ADAMTS16: variants seen among roughly 807,000 people sequenced by gnomAD.
The protein encoded by ADAMTS16 is ADAM metallopeptidase with thrombospondin type 1 motif 16.
A neutral mutation model predicts 145.8 loss-of-function variants in ADAMTS16; 94 were observed. That is an observed-to-expected ratio of 0.64 (90% confidence interval 0.55 to 0.77). The LOEUF (loss-of-function observed/expected upper bound fraction) is 0.77, where lower values mean the gene tolerates loss of function less well. Ranked by LOEUF, ADAMTS16 falls within the 30% of genes least tolerant of loss-of-function variation. The pLI is 0.00. For synonymous variants in ADAMTS16, 659 were observed against 604.3 expected (o/e 1.09, Z -1.33); for missense variants, 1,585 against 1,591.5 (o/e 1.00, Z 0.07).
chr5:5,252,570 C>A (rs990702828), intron 17 of ADAMTS16, among the ~76,000 whole-genome samples: 2 of 152,114 alleles, frequency 1.3e-5, no homozygotes, highest in African/African-American at 4.8e-5. Context: ...GACCGCCCCC[C>A]TCATATGACT....
intron 18 of ADAMTS16, among the ~76,000 whole-genome samples, chr5:5,286,504 T>C (rs1286542293): frequency 6.6e-6 from 1 of 152,216 alleles, no homozygotes; most frequent in Non-Finnish European, 1.5e-5. Context: ...AATGAAACAG[T>C]AATTGTTGTT....
chr5:5,142,182 G>A (rs1734186855), intron 2 of ADAMTS16: 1 of 151,988 alleles, frequency 6.6e-6, no homozygotes, highest in Non-Finnish European at 1.5e-5. Context: ...ACACATTATA[G>A]ACACAGAAGA....
intron 3 of ADAMTS16, among the ~76,000 whole-genome samples, chr5:5,160,421 A>G (rs191504050): frequency 6.0e-4 from 92 of 152,270 alleles, no homozygotes; most frequent in African/African-American, 2.0e-3. Context: ...GTTAAATCCC[A>G]CTGACTCCCA....
chr5:5,213,487 T>C (rs1440625277), intron 10 of ADAMTS16, among the ~76,000 whole-genome samples: 1 of 152,206 alleles, frequency 6.6e-6, no homozygotes, highest in African/African-American at 2.4e-5. Context: ...TTCCCATTTA[T>C]TCATTTATCT....
At chr5:5,248,179 G>T (rs1051797104) in intron 17 of ADAMTS16, among the ~76,000 whole-genome samples, 4 of 152,132 alleles carry the variant, frequency 2.6e-5, no homozygotes, top group Non-Finnish European at 5.9e-5. Flanking sequence ...ATAAAAGGAG[G>T]ATAAAGCTTT....
chr5:5,307,545 C>G (rs924753657), intron 21 of ADAMTS16, among the ~76,000 whole-genome samples: 4 of 152,178 alleles, frequency 2.6e-5, no homozygotes, highest in Non-Finnish European at 2.9e-5. Flanking sequence ...TACATGTGCT[C>G]TCTCACTGTC....
chr5:5,209,175 T>C lies in ADAMTS16; in HGVS notation c.1534T>C (p.Tyr512His), dbSNP rs754541029. The C allele has an allele frequency of 6.2e-7, 1 of 1,614,092 alleles. No homozygotes were observed. The highest frequency in any genetic ancestry group is 2.2e-5 in the East Asian group (1 of 44,876). ...TCCTGAGAAATTGCCAGGAGAATTA[T>C]ATGATGCAAACACACAGTGCAAGTG... ...KYPEKLPGEL[Y>H]DANTQCKWQF... The change falls in exon 10 of 23, where the codon TAT becomes CAT. Residue 512 changes from tyrosine (Y) to histidine (H), a missense_variant. By Grantham distance (83) the Tyr-to-His change is moderately conservative (BLOSUM62 2). Around this residue, in one of 3 missense-constraint regions of ADAMTS16, gnomAD observed 298 missense variants for 367.6 expected, o/e 0.81. Transcript: ENST00000274181.
intron 18 of ADAMTS16, among the ~76,000 whole-genome samples, chr5:5,271,465 C>CCTA (rs1738473813): frequency 6.6e-6 from 1 of 152,286 alleles, no homozygotes; most frequent in Non-Finnish European, 1.5e-5. Flanking sequence ...AGACAAGCAG[C>CCTA]CTACGGCCCT....
intron 3 of ADAMTS16, among the ~76,000 whole-genome samples, chr5:5,164,220 C>T (rs1734808097): frequency 6.6e-6 from 1 of 152,256 alleles, no homozygotes; most frequent in South Asian, 2.1e-4. Flanking sequence ...GTGAAAATAT[C>T]TCTGACCTTC....
chr5:5,176,557 A>G (rs568020046), intron 3 of ADAMTS16, among the ~76,000 whole-genome samples: 1 of 152,150 alleles, frequency 6.6e-6, no homozygotes, highest in Non-Finnish European at 1.5e-5. Flanking sequence ...AGAAATATGG[A>G]TGTTCTCAGT....
At chr5:5,206,362 CT>C (rs1404524481) in intron 9 of ADAMTS16, among the ~76,000 whole-genome samples, 1 of 106,044 alleles carries the variant, frequency 9.4e-6, no homozygotes, top group African/African-American at 3.8e-5. Flanking sequence ...GGAGGCGGAG[CT>C]TGCAGTGAGC....
chr5:5,140,472 A>C lies in ADAMTS16; in HGVS notation c.5A>C (p.Lys2Thr), dbSNP rs1473441083. 2.0e-6 allele frequency: 3 copies of C among 1,512,032 alleles called. No individual in the cohort carries two copies. In the Admixed American group the frequency reaches 6.2e-5, roughly 31 times the overall value. The allele number at this position is 1,512,032 out of a possible 1,614,324, so 93.7% of individuals were successfully genotyped here. A position where few individuals can be genotyped will look rare whatever the true frequency, so the allele number is the denominator to read the frequency against. M[K>T]PRARGWRGLA... ...AGCCCCTCGGAGCGCTCCTGGATGAAGCCCCGCGCGCGCGGATGGCGGGGC... is the reference window on the plus strand; with the variant it reads ...AGCCCCTCGGAGCGCTCCTGGATGACGCCCCGCGCGCGCGGATGGCGGGGC... Residue 2 changes from lysine to threonine, a missense_variant, in exon 1 of 23, where the codon AAG (lysine) becomes ACG (threonine). Physicochemically the swap from Lys to Thr is moderately conservative, Grantham distance 78 (BLOSUM62 -1). Transcript: ENST00000274181.
At chr5:5,211,602 T>C (rs932706399) in intron 10 of ADAMTS16, among the ~76,000 whole-genome samples, 15 of 152,130 alleles carry the variant, frequency 9.9e-5, no homozygotes, top group African/African-American at 3.6e-4. Context: ...AGTATGCCTG[T>C]CTTTTTCGTG....
chr5:5,313,096 T>C (rs1446549709), intron 21 of ADAMTS16, among the ~76,000 whole-genome samples: 1 of 152,220 alleles, frequency 6.6e-6, no homozygotes, highest in African/African-American at 2.4e-5. Context: ...AGATACTCAA[T>C]CTGTTTGTCT....
At chr5:5,303,246 A>C (rs753607136) in intron 18 of ADAMTS16, 22 bp from the exon 19 acceptor site, 3 of 1,521,620 alleles carry the variant, frequency 2.0e-6, no homozygotes, top group Non-Finnish European at 2.6e-6. Flanking sequence ...TCCCTCACCG[A>C]GGTCTCTTTG....
At chr5:5,294,172 A>C (rs1739439524) in intron 18 of ADAMTS16, among the ~76,000 whole-genome samples, 1 of 152,260 alleles carries the variant, frequency 6.6e-6, no homozygotes, top group African/African-American at 2.4e-5. Context: ...CCTGTGAAAA[A>C]TGACAGGGAT....
intron 3 of ADAMTS16, among the ~76,000 whole-genome samples, chr5:5,178,008 T>C (rs1002227669): frequency 2.6e-5 from 4 of 152,196 alleles, no homozygotes; most frequent in Non-Finnish European, 5.9e-5. Flanking sequence ...TATGAAACTT[T>C]AATGAGCAGT....
intron 21 of ADAMTS16, 83 bp from the exon 22 acceptor site, chr5:5,318,051 C>T: frequency 5.5e-6 from 7 of 1,271,720 alleles, no homozygotes; most frequent in Non-Finnish European, 5.0e-6. Flanking sequence ...AGCAGCAGGC[C>T]TTTTAGAAAG....
intron 13 of ADAMTS16, 39 bp from the exon 14 acceptor site, chr5:5,236,930 T>G (rs567816803): frequency 6.3e-7 from 1 of 1,576,028 alleles, no homozygotes; most frequent in African/African-American, 1.4e-5. Context: ...AGCTTAAGTA[T>G]TTTTCTTATT....
Sources: gnomAD v4.1 joint callset for allele counts (sites outside exome capture counted in the v4.1 genomes callset) on GRCh38, gnomAD v4.1.1 for gene constraint, gnomAD v4.1.1 regional missense constraint, MANE v1.5 for transcripts, NCBI Gene and HGNC (gene_info 2026-07-23, HGNC 2026-07-21) for gene names.